GFPT1: variants seen among roughly 807,000 people sequenced by gnomAD.
The protein encoded by GFPT1 is glutamine--fructose-6-phosphate aminotransferase [isomerizing] 1.
Under a neutral mutation model 92.0 loss-of-function variants are expected in GFPT1, and 40 were observed. That is an observed-to-expected ratio of 0.43 (90% CI 0.34 to 0.57). GFPT1 has a LOEUF of 0.57. GFPT1 is among the 20% of genes least tolerant of loss of function. The pLI is 0.02. For synonymous variants in GFPT1, 269 were observed against 280.6 expected (o/e 0.96, Z 0.41); for missense variants, 448 against 869.1 (o/e 0.52, Z 6.09).
At chr2:69,365,987 T>C (rs966395098) in intron 3 of GFPT1, among the ~76,000 whole-genome samples, 14 of 151,534 alleles carry the variant, frequency 9.2e-5, no homozygotes, top group Admixed American at 2.0e-4. Context: ...TAATTTTTTG[T>C]ATTTTTAGTA....
rs1247807082 is a variant in GFPT1, at chr2:69,324,601, CA to C, written c.*1587del. 6.6e-6 allele frequency: 1 copy of C among 152,042 alleles called. No homozygotes were observed. Among genetic ancestry groups the C allele is most frequent in the Non-Finnish European group, 1.5e-5 (1 of 68,000 alleles). 9.4% of individuals were successfully genotyped at this position (152,042 alleles called of 1,614,324 possible). A position where few individuals can be genotyped will look rare whatever the true frequency, so the allele number is the denominator to read the frequency against. On this transcript the variant is annotated 3_prime_UTR_variant, in exon 20 of 20. Coordinates refer to ENST00000357308, the MANE Select transcript of GFPT1 (RefSeq NM_001244710.2). ...CAAATCTTTCTCTAACCCTAAGACACAAGCAGAATTCTATGCTTCTCTGGCA... is the reference window on the plus strand; with the variant it reads ...CAAATCTTTCTCTAACCCTAAGACACAGCAGAATTCTATGCTTCTCTGGCA...
intron 3 of GFPT1, among the ~76,000 whole-genome samples, chr2:69,368,878 C>G (rs1671673897): frequency 6.6e-6 from 1 of 152,186 alleles, no homozygotes; most frequent in Non-Finnish European, 1.5e-5. Flanking sequence ...TACTATCATT[C>G]CATCAACACG....
In GFPT1 at chr2:69,328,701, C is replaced by T. The variant is rs1004137251; in HGVS notation, c.1726-263G>A. Among the ~76,000 whole-genome samples the T allele has an allele frequency of 0.067, 9,134 of 136,122 alleles. 427 individuals are homozygous for T. Among genetic ancestry groups the T allele is most frequent in the Non-Finnish European group, 0.1 (6,508 of 64,618 alleles). 89.3% of individuals were successfully genotyped at this position (136,122 alleles called of 152,430 possible). Reference sequence around the variant, plus strand: ...AACATATTCATATTTCTGGTTAACCCTTTTTTTTTTTTTTTTTAAGACAGA... The same window carrying T: ...AACATATTCATATTTCTGGTTAACCTTTTTTTTTTTTTTTTTTAAGACAGA... On this transcript the variant is annotated intron_variant, in intron 17 of 19. Coordinates refer to ENST00000357308, the MANE Select transcript of GFPT1 (RefSeq NM_001244710.2).
chr2:69,364,456 T>C (rs1261876635), intron 3 of GFPT1, among the ~76,000 whole-genome samples: 2 of 152,232 alleles, frequency 1.3e-5, no homozygotes, highest in Non-Finnish European at 1.5e-5. Flanking sequence ...AATCTATATT[T>C]AATTCTTGCC....
intron 3 of GFPT1, among the ~76,000 whole-genome samples, chr2:69,365,838 T>G (rs1015055392): frequency 3.0e-4 from 45 of 152,270 alleles, no homozygotes; most frequent in African/African-American, 1.0e-3. Flanking sequence ...AAACGGAGTT[T>G]TGCTCTTGTG....
chr2:69,336,032 CAAA>C (rs761461338), intron 15 of GFPT1, among the ~76,000 whole-genome samples: 1 of 82,154 alleles, frequency 1.2e-5, no homozygotes, highest in Non-Finnish European at 2.4e-5. Flanking sequence ...ACCCTGTCTC[CAAA>C]AAAAAAAAAA....
chr2:69,326,291 G>C, intron 19 of GFPT1, 58 bp from the exon 20 acceptor site: 1 of 1,127,468 alleles, frequency 8.9e-7, no homozygotes, highest in South Asian at 1.3e-5. Flanking sequence ...CTGGGGAAGG[G>C]GGTGGTTACT....
intron 5 of GFPT1, 120 bp downstream of exon 5, chr2:69,359,148 G>A: frequency 5.5e-6 from 4 of 722,428 alleles, no homozygotes; most frequent in Non-Finnish European, 7.8e-6. Context: ...CCTTGGAATT[G>A]TCCAAGAAAT....
At chr2:69,352,280 G>A (rs2104643265) in intron 9 of GFPT1, among the ~76,000 whole-genome samples, 1 of 151,212 alleles carries the variant, frequency 6.6e-6, no homozygotes, top group African/African-American at 2.4e-5. Context: ...AAACAAAAAA[G>A]TGAATTTAAA....
rs1017045694 is a variant in GFPT1, at chr2:69,325,857, A to G, written c.*332T>C. ...AATGAAGTATGGTGAAACAAGTACC[A>G]ATTTTTAGAAACATATTGTCTTCTC... On this transcript the variant is annotated 3_prime_UTR_variant, in exon 20 of 20. Transcript: ENST00000357308. 1 of 244,474 alleles carries G rather than the reference A, an allele frequency of 4.1e-6. No individual in the cohort carries two copies. Among genetic ancestry groups the G allele is most frequent in the African/African-American group, 2.3e-5 (1 of 43,698 alleles). 15.1% of individuals were successfully genotyped at this position (244,474 alleles called of 1,614,324 possible). A position where few individuals can be genotyped will look rare whatever the true frequency, so the allele number is the denominator to read the frequency against.
At chr2:69,337,770 C>T (rs1381594692) in intron 15 of GFPT1, 128 bp downstream of exon 15, 1 of 812,306 alleles carries the variant, frequency 1.2e-6, no homozygotes, top group Non-Finnish European at 2.1e-6. Context: ...TCTATAACTG[C>T]TAACAAAAAT....
rs2104646240 is a variant in GFPT1 at position 69,353,563 on chromosome 2, C to G, written c.739+696G>C. Among the ~76,000 whole-genome samples the G allele has an allele frequency of 4.6e-5, 7 of 151,918 alleles. No individual in the cohort carries two copies. The Middle Eastern group carries it at 0.021, about 446-fold the overall frequency. ...TAAGAATTAGCTGGGTATGATGGCA[C>G]ACGCTTGTAGTACTAGCTATTTGAG... On this transcript the variant is annotated intron_variant, in intron 9 of 19. Transcript: ENST00000357308.
intron 3 of GFPT1, among the ~76,000 whole-genome samples, chr2:69,368,213 T>G (rs573061234): frequency 4.4e-4 from 67 of 152,332 alleles, no homozygotes; most frequent in African/African-American, 1.5e-3. Flanking sequence ...AAACCCCATC[T>G]CTACTAAAAA....
At chr2:69,382,166 C>T (rs866059105) in intron 1 of GFPT1, among the ~76,000 whole-genome samples, 2 of 152,244 alleles carry the variant, frequency 1.3e-5, no homozygotes, top group South Asian at 4.1e-4. Flanking sequence ...CTGGGCCTTA[C>T]TCCTAACTCT....
chr2:69,338,802 C>CTTTTT (rs58220809), intron 13 of GFPT1, among the ~76,000 whole-genome samples: 49 of 131,786 alleles, frequency 3.7e-4, no homozygotes, highest in African/African-American at 7.5e-4. Flanking sequence ...GTATACATTC[C>CTTTTT]TTTTTTTTTT....
chr2:69,338,391 G>T (rs1310056015), intron 14 of GFPT1, 54 bp downstream of exon 14: 2 of 1,486,730 alleles, frequency 1.3e-6, no homozygotes, highest in Non-Finnish European at 9.4e-7. Context: ...AGATATGCTA[G>T]AATTATTAGA....
chr2:69,360,190 G>A (rs1253960429), intron 4 of GFPT1, among the ~76,000 whole-genome samples: 3 of 151,892 alleles, frequency 2.0e-5, no homozygotes, highest in African/African-American at 4.8e-5. Flanking sequence ...TTAGCCAGGC[G>A]TGGTGGCACG....
intron 2 of GFPT1, among the ~76,000 whole-genome samples, chr2:69,370,978 C>A (rs1036339267): frequency 6.6e-6 from 1 of 151,172 alleles, no homozygotes; most frequent in Non-Finnish European, 1.5e-5. Flanking sequence ...CCAGCCTGGG[C>A]GACAGAGTGA....
intron 4 of GFPT1, among the ~76,000 whole-genome samples, chr2:69,363,321 C>A (rs753181742): frequency 6.6e-6 from 1 of 152,038 alleles, no homozygotes; most frequent in Non-Finnish European, 1.5e-5. Context: ...CACGGCTGAT[C>A]GTGAACTCCT....
Sources: gnomAD v4.1 joint callset for allele counts (sites outside exome capture counted in the v4.1 genomes callset) on GRCh38, gnomAD v4.1.1 for gene constraint, MANE v1.5 for transcripts, NCBI Gene and HGNC (gene_info 2026-07-23, HGNC 2026-07-21) for gene names.